BMF: variants seen among roughly 807,000 people sequenced by gnomAD.
BMF encodes the protein Bcl2 modifying factor, also known as bcl-2-modifying factor.
BMF carries 10 observed loss-of-function variants against 22.0 expected under a neutral mutation model. That is an observed-to-expected ratio of 0.45 (90% CI 0.28 to 0.77). The LOEUF (loss-of-function observed/expected upper bound fraction) is 0.77, where lower values mean the gene tolerates loss of function less well. BMF is among the 30% of genes least tolerant of loss of function. The pLI is 0.13. For synonymous variants in BMF, 87 were observed against 88.1 expected (o/e 0.99, Z 0.07); for missense variants, 206 against 226.8 (o/e 0.91, Z 0.59).
At chr15:40,098,845 C>T (rs1001924249) in intron 4 of BMF, among the ~76,000 whole-genome samples, 2 of 152,224 alleles carry the variant, frequency 1.3e-5, no homozygotes, top group African/African-American at 2.4e-5. Context: ...AGGCCCTTCT[C>T]CTGGAAGAGA....
intron 4 of BMF, among the ~76,000 whole-genome samples, chr15:40,100,365 C>T (rs1305359663): frequency 2.0e-5 from 3 of 152,162 alleles, no homozygotes; most frequent in African/African-American, 4.8e-5. Flanking sequence ...ACAGAAGCAC[C>T]ACAGCACCAC....
intron 4 of BMF, among the ~76,000 whole-genome samples, chr15:40,093,480 C>G (rs760772999): frequency 6.6e-6 from 1 of 152,112 alleles, no homozygotes; most frequent in East Asian, 1.9e-4. Flanking sequence ...GGAAACACAC[C>G]CGGCTTAACA....
intron 4 of BMF, among the ~76,000 whole-genome samples, chr15:40,102,745 T>C (rs2036505507): frequency 6.6e-6 from 1 of 152,110 alleles, no homozygotes; most frequent in Admixed American, 6.6e-5. Flanking sequence ...GGCTCAGCCG[T>C]AGGCCTGTAC....
chr15:40,091,883 C>G lies in BMF; in HGVS notation c.459G>C (p.Gln153His), dbSNP rs756621963. The G allele has an allele frequency of 1.2e-6, 2 of 1,604,400 alleles. No individual in the cohort carries two copies. The highest frequency in any genetic ancestry group is 8.5e-7 in the Non-Finnish European group (1 of 1,175,358). The change falls in exon 5 of 5, where the codon CAG becomes CAC. Residue 153 changes from glutamine to histidine, a missense_variant. Coordinates refer to ENST00000354670, the MANE Select transcript of BMF (RefSeq NM_001003940.2). Reference sequence around the variant, plus strand: ...GCCACCACACACGATTTTGGTTCTGCTGGTGCTGAAGGGAGAAAAAAAAAA... The same window carrying G: ...GCCACCACACACGATTTTGGTTCTGGTGGTGCTGAAGGGAGAAAAAAAAAA... Reference protein sequence around the residue: ...QFHRLHVQQHQQNQNRVWWQI... With the variant: ...QFHRLHVQQHHQNQNRVWWQI...
intron 4 of BMF, among the ~76,000 whole-genome samples, chr15:40,092,973 A>T (rs1042197623): frequency 2.6e-5 from 4 of 152,212 alleles, no homozygotes; most frequent in African/African-American, 9.6e-5. Context: ...TCAGCAAGCA[A>T]GTTTACATGA....
At position 40,091,772 on chromosome 15, in the gene BMF, G is replaced by A. The variant is rs1449893697; in HGVS notation, c.*15C>T. ...CGGTGTTCCTGGTGCCCCATGTGAA[G>A]AGGGCAGCCCACCCTCACCTAGGGC... On this transcript the variant is annotated 3_prime_UTR_variant, in exon 5 of 5. Coordinates refer to ENST00000354670, the MANE Select transcript of BMF (RefSeq NM_001003940.2). The A allele has an allele frequency of 6.3e-6, 10 of 1,587,680 alleles. No homozygotes were observed. Among genetic ancestry groups the A allele is most frequent in the African/African-American group, 4.0e-5 (3 of 74,170 alleles).
chr15:40,096,552 G>A (rs1402363326), intron 4 of BMF, among the ~76,000 whole-genome samples: 1 of 152,230 alleles, frequency 6.6e-6, no homozygotes, highest in Non-Finnish European at 1.5e-5. Flanking sequence ...ACGATAGGAA[G>A]AGCAGGTATT....
chr15:40,103,842 C>T (rs188493913), intron 4 of BMF, among the ~76,000 whole-genome samples: 22 of 152,296 alleles, frequency 1.4e-4, no homozygotes, highest in Non-Finnish European at 2.8e-4. Context: ...CTCTTAGGTC[C>T]GTGAGGGGCA....
intron 4 of BMF, among the ~76,000 whole-genome samples, chr15:40,103,622 C>T (rs1009793355): frequency 7.2e-5 from 11 of 152,208 alleles, no homozygotes; most frequent in Admixed American, 6.5e-4. Context: ...GGAGCCTCTC[C>T]GAGGTACACT....
chr15:40,088,109 C>A lies in BMF; in HGVS notation c.*3678G>T, dbSNP rs2036167049. On this transcript the variant is annotated 3_prime_UTR_variant, in exon 5 of 5. Coordinates refer to ENST00000354670, the MANE Select transcript of BMF (RefSeq NM_001003940.2). ...GGATGAACAAAATGCTACATTCTCACTGGGTCTCCTCGATAGCCCCTGTGG... is the reference window on the plus strand; with the variant it reads ...GGATGAACAAAATGCTACATTCTCAATGGGTCTCCTCGATAGCCCCTGTGG... 6.6e-6 allele frequency: 1 copy of A among 152,648 alleles called. No individual in the cohort carries two copies. Among genetic ancestry groups the A allele is most frequent in the Non-Finnish European group, 1.5e-5 (1 of 68,042 alleles). 9.5% of individuals were successfully genotyped at this position (152,648 alleles called of 1,614,324 possible).
chr15:40,099,473 G>A (rs960100077), intron 4 of BMF, among the ~76,000 whole-genome samples: 7 of 152,160 alleles, frequency 4.6e-5, no homozygotes, highest in African/African-American at 1.7e-4. Flanking sequence ...AACTAGGCAA[G>A]GTAAGTATTA....
intron 2 of BMF, among the ~76,000 whole-genome samples, chr15:40,107,397 G>C (rs1424813886): frequency 2.0e-5 from 3 of 152,030 alleles, no homozygotes; most frequent in Non-Finnish European, 4.4e-5. Context: ...TGCTTGCTTG[G>C]GCCCTGCCTT....
intron 4 of BMF, among the ~76,000 whole-genome samples, chr15:40,098,281 CT>C (rs2036406571): frequency 6.6e-6 from 1 of 152,226 alleles, no homozygotes; most frequent in Non-Finnish European, 1.5e-5. Context: ...GGGGACAGAG[CT>C]GTGCTGCACC....
chr15:40,095,484 T>G (rs1002481036), intron 4 of BMF, among the ~76,000 whole-genome samples: 1 of 151,650 alleles, frequency 6.6e-6, no homozygotes, highest in African/African-American at 2.4e-5. Flanking sequence ...CAGGAATGAG[T>G]GTACTTGGCC....
chr15:40,093,203 T>C (rs1004459745), intron 4 of BMF, among the ~76,000 whole-genome samples: 3 of 152,202 alleles, frequency 2.0e-5, no homozygotes, highest in African/African-American at 4.8e-5. Context: ...CCCTTCACGC[T>C]GCCCTAGGCC....
chr15:40,092,976 T>C (rs1355378238), intron 4 of BMF, among the ~76,000 whole-genome samples: 1 of 152,136 alleles, frequency 6.6e-6, no homozygotes, highest in African/African-American at 2.4e-5. Flanking sequence ...GCAAGCAAGT[T>C]TACATGAGGT....
In BMF at chr15:40,090,407, T is replaced by G. The variant is rs548231446; in HGVS notation, c.*1380A>C. Reference sequence around the variant, plus strand: ...CTTACTTCACTGTTAGCACCAATGTTGTCTTTTCTCACATATGCAAAAGTT... The same window carrying G: ...CTTACTTCACTGTTAGCACCAATGTGGTCTTTTCTCACATATGCAAAAGTT... On this transcript the variant is annotated 3_prime_UTR_variant, in exon 5 of 5. Coordinates refer to ENST00000354670, the MANE Select transcript of BMF (RefSeq NM_001003940.2). 3.9e-5 allele frequency: 6 copies of G among 152,828 alleles called. No homozygotes were observed. The highest frequency in any genetic ancestry group is 1.4e-4 in the African/African-American group (6 of 41,592). 9.5% of individuals were successfully genotyped at this position (152,828 alleles called of 1,614,324 possible).
intron 2 of BMF, among the ~76,000 whole-genome samples, chr15:40,107,533 A>AGTGTGT (rs58296260): frequency 0.1 from 13,690 of 137,342 alleles, 759 homozygotes; most frequent in Non-Finnish European, 0.11. Context: ...GTGTTTCCCA[A>AGTGTGT]GTGTGTGTGT....
At position 40,091,477 on chromosome 15, in the gene BMF, G is replaced by A. The variant is rs2036229405; in HGVS notation, c.*310C>T. The A allele has an allele frequency of 1.2e-5, 3 of 257,586 alleles. No individual in the cohort carries two copies. Among genetic ancestry groups the A allele is most frequent in the Non-Finnish European group, 2.2e-5 (3 of 134,538 alleles). 16.0% of individuals were successfully genotyped at this position (257,586 alleles called of 1,614,324 possible). Reference sequence around the variant, plus strand: ...AGAACATCACTAACGGATCATCTTCGACAACTGGTAGATTCCTCAGTCGAA... The same window carrying A: ...AGAACATCACTAACGGATCATCTTCAACAACTGGTAGATTCCTCAGTCGAA... On this transcript the variant is annotated 3_prime_UTR_variant, in exon 5 of 5. Transcript: ENST00000354670.
Sources: gnomAD v4.1 joint callset for allele counts (sites outside exome capture counted in the v4.1 genomes callset) on GRCh38, gnomAD v4.1.1 for gene constraint, MANE v1.5 for transcripts, NCBI Gene and HGNC (gene_info 2026-07-23, HGNC 2026-07-21) for gene names.